Variants in CACNA1C observed in about 807,000 individuals in gnomAD.
The protein encoded by CACNA1C is calcium voltage-gated channel subunit alpha1 C.
A neutral mutation model predicts 229.0 loss-of-function variants in CACNA1C; 30 were observed. The observed-to-expected ratio is 0.13, with a 90% CI of 0.10 to 0.18. CACNA1C has a LOEUF of 0.18. CACNA1C is among the 10% of genes least tolerant of loss of function. The probability of loss-of-function intolerance (pLI) is 1.00; values close to 1 mark genes in which losing one functional copy is unlikely to be tolerated. For synonymous variants in CACNA1C, 1,114 were observed against 1,132.5 expected (o/e 0.98, Z 0.33); for missense variants, 1,658 against 2,845.0 (o/e 0.58, Z 9.49).
In CACNA1C at chr12:2,602,415, ATGTC is replaced by A. The variant is rs2072924257; in HGVS notation, c.2960+459_2960+462del. On this transcript the variant is annotated intron_variant, in intron 22 of 46. Transcript: ENST00000399655. This position sits in a 1 kb window ranked among gnomAD's most constrained non-coding sequence, Gnocchi z 4.4. ...TGTATGTGTGAATGTGTGTATATAT[ATGTC>A]TGTGTAAGTGTGGGGTGTATGTGTG... 6.6e-6 allele frequency among the ~76,000 whole-genome samples: 1 copy of A among 151,626 alleles called. No individual in the cohort carries two copies. The highest frequency in any genetic ancestry group is 2.4e-5 in the African/African-American group (1 of 41,204).
chr12:2,271,305 GC>G (rs2084891586), intron 3 of CACNA1C, among the ~76,000 whole-genome samples: 1 of 152,228 alleles, frequency 6.6e-6, no homozygotes, highest in African/African-American at 2.4e-5. Flanking sequence ...CCAAGGTGCA[GC>G]CCCAGAGCGG....
At chr12:2,160,386 A>G (rs1029690571) in intron 3 of CACNA1C, among the ~76,000 whole-genome samples, 1 of 152,130 alleles carries the variant, frequency 6.6e-6, no homozygotes, top group African/African-American at 2.4e-5. Flanking sequence ...CTGATCCTCA[A>G]AGAGGACCAA....
intron 21 of CACNA1C, among the ~76,000 whole-genome samples, chr12:2,599,103 C>G (rs960644908): frequency 6.6e-6 from 1 of 152,210 alleles, no homozygotes; most frequent in Admixed American, 6.5e-5. Context: ...CAGAGCTGCC[C>G]TTGTGGATTT....
chr12:2,086,634 CT>C (rs2067783480), intron 1 of CACNA1C, among the ~76,000 whole-genome samples: 1 of 152,212 alleles, frequency 6.6e-6, no homozygotes, highest in African/African-American at 2.4e-5. Flanking sequence ...GTCAGGTGGC[CT>C]TCCACATGGT....
intron 3 of CACNA1C, among the ~76,000 whole-genome samples, chr12:2,237,035 G>A (rs2067669916): frequency 6.6e-6 from 1 of 152,202 alleles, no homozygotes; most frequent in Non-Finnish European, 1.5e-5. Flanking sequence ...AAGCACATCT[G>A]AGTCTTGCTG....
chr12:2,014,268 A>G (rs913207042), intron 1 of CACNA1C, among the ~76,000 whole-genome samples: 1 of 116,558 alleles, frequency 8.6e-6, no homozygotes, highest in Non-Finnish European at 1.7e-5. Context: ...TCAGAAAAAT[A>G]GGCATCTTTT....
intron 1 of CACNA1C, among the ~76,000 whole-genome samples, chr12:2,046,735 G>A (rs2051132149): frequency 6.6e-6 from 1 of 152,162 alleles, no homozygotes; most frequent in African/African-American, 2.4e-5. Context: ...GAGTACTCTG[G>A]CTTCCCCTTG....
At chr12:2,399,433 C>G (rs535904473) in intron 3 of CACNA1C, among the ~76,000 whole-genome samples, 1 of 152,164 alleles carries the variant, frequency 6.6e-6, no homozygotes, top group Non-Finnish European at 1.5e-5. Context: ...GGAAATAGCT[C>G]TCAGTAGGAT....
intron 10 of CACNA1C, chr12:2,550,579 T>C (rs1259877533): frequency 3.0e-6 from 4 of 1,351,746 alleles, no homozygotes; most frequent in Admixed American, 1.9e-5. Context: ...CCTGCTGTTC[T>C]GTTGCCTTGG....
intron 3 of CACNA1C, among the ~76,000 whole-genome samples, chr12:2,247,473 C>T (rs1283226334): frequency 1.3e-5 from 2 of 152,192 alleles, no homozygotes; most frequent in South Asian, 2.1e-4. Flanking sequence ...TGGGAGAAAT[C>T]GACCATGCCA....
At position 2,141,953 on chromosome 12, in the gene CACNA1C, G is replaced by A. The variant is rs1360199290; in HGVS notation, c.477+21523G>A. ...CGGAAGCCGGGCGGCTCTTTGAAGG[G>A]ATGACGTGGGAAGGGTATCCTCTCC... On this transcript the variant is annotated intron_variant, in intron 3 of 46. Transcript: ENST00000399655. Among the ~76,000 whole-genome samples, 52 of 151,224 alleles carry A rather than the reference G, an allele frequency of 3.4e-4. 2 individuals are homozygous for A. Among genetic ancestry groups the A allele is most frequent in the Non-Finnish European group, 4.4e-5 (3 of 67,598 alleles).
chr12:2,643,877 C>T (rs1325535086), intron 30 of CACNA1C, among the ~76,000 whole-genome samples: 2 of 152,196 alleles, frequency 1.3e-5, no homozygotes, highest in African/African-American at 4.8e-5. Context: ...CTCAAAGCCC[C>T]ACCCCTTGGT....
intron 30 of CACNA1C, among the ~76,000 whole-genome samples, chr12:2,634,880 C>A (rs2092219033): frequency 6.6e-6 from 1 of 152,178 alleles, no homozygotes; most frequent in African/African-American, 2.4e-5. Context: ...AAGACTCAGC[C>A]TACACCGTCA....
At chr12:2,137,520 AG>A (rs1375231546) in intron 3 of CACNA1C, among the ~76,000 whole-genome samples, 1 of 151,210 alleles carries the variant, frequency 6.6e-6, no homozygotes, top group Non-Finnish European at 1.5e-5. Flanking sequence ...CAGGAGTTCA[AG>A]GCAGCAGTGA....
At chr12:2,165,426 C>T (rs150740991) in intron 3 of CACNA1C, among the ~76,000 whole-genome samples, 4 of 152,322 alleles carry the variant, frequency 2.6e-5, no homozygotes, top group African/African-American at 9.6e-5. Flanking sequence ...GAAGCCTTCT[C>T]AAGTATTAAA....
intron 3 of CACNA1C, among the ~76,000 whole-genome samples, chr12:2,311,620 C>T (rs1179946869): frequency 6.6e-6 from 1 of 152,180 alleles, no homozygotes; most frequent in Admixed American, 6.5e-5. Context: ...CAAGGGCAGG[C>T]AGGAACCTCT....
chr12:2,267,975 A>C (rs1416618598), intron 3 of CACNA1C, among the ~76,000 whole-genome samples: 1 of 152,176 alleles, frequency 6.6e-6, no homozygotes, highest in Non-Finnish European at 1.5e-5. Flanking sequence ...GTATTTAAAA[A>C]ACAGGTTTTT....
intron 5 of CACNA1C, among the ~76,000 whole-genome samples, chr12:2,463,766 C>T (rs1283033218): frequency 6.6e-6 from 1 of 152,154 alleles, no homozygotes; most frequent in Non-Finnish European, 1.5e-5. Context: ...TTGGCTCTTC[C>T]AATGGGGTTC....
chr12:2,384,123 C>T (rs1186004429), intron 3 of CACNA1C, among the ~76,000 whole-genome samples: 1 of 152,236 alleles, frequency 6.6e-6, no homozygotes, highest in Admixed American at 6.5e-5. Context: ...GGATCACACA[C>T]CACCCAGGTT....
Sources: gnomAD v4.1 joint callset for allele counts (sites outside exome capture counted in the v4.1 genomes callset) on GRCh38, gnomAD v4.1.1 for gene constraint, Gnocchi (gnomAD v3.1) non-coding constraint, MANE v1.5 for transcripts, NCBI Gene and HGNC (gene_info 2026-07-23, HGNC 2026-07-21) for gene names.